CLCN3: variants seen among roughly 807,000 people sequenced by gnomAD.
The protein encoded by CLCN3 is H(+)/Cl(-) exchange transporter 3.
In CLCN3, 16 loss-of-function variants were observed where a neutral mutation model predicts 83.4. That is an observed-to-expected ratio of 0.19 (90% confidence interval 0.13 to 0.29). The LOEUF is 0.29. CLCN3 is among the 10% of genes least tolerant of loss of function. The pLI is 1.00. For missense variants in CLCN3, 544 were observed against 1,006.0 expected, an observed-to-expected ratio of 0.54 and a Z score of 6.21; for synonymous variants, 322 against 346.2, an observed-to-expected ratio of 0.93 and a Z score of 0.78.
At chr4:169,668,572 C>T (rs1283585000) in intron 2 of CLCN3, among the ~76,000 whole-genome samples, 1 of 152,022 alleles carries the variant, frequency 6.6e-6, no homozygotes. Context: ...CCTCAAAGTG[C>T]AGTAAAGTCA....
intron 2 of CLCN3, among the ~76,000 whole-genome samples, chr4:169,665,269 A>C (rs981776089): frequency 1.3e-5 from 2 of 152,204 alleles, no homozygotes; most frequent in African/African-American, 4.8e-5. Context: ...TGAATTGAGT[A>C]ATGGGCTTAG....
intron 11 of CLCN3, among the ~76,000 whole-genome samples, chr4:169,708,415 C>T (rs1199596196): frequency 6.6e-6 from 1 of 152,144 alleles, no homozygotes; most frequent in Non-Finnish European, 1.5e-5. Context: ...TCCCATCATT[C>T]TAAATTTTAC....
In CLCN3 at chr4:169,680,056, A is replaced by T. The variant is rs756569255; in HGVS notation, c.167A>T (p.His56Leu). 1.2e-6 allele frequency: 2 copies of T among 1,611,482 alleles called. No individual in the cohort carries two copies. Among genetic ancestry groups the T allele is most frequent in the South Asian group, 2.2e-5 (2 of 90,994 alleles). Residue 56 changes from histidine (H) to leucine (L), a missense_variant, in exon 3 of 13, where the codon CAT (histidine) becomes CTT (leucine). By Grantham distance (99) the His-to-Leu change is moderately conservative. Coordinates refer to ENST00000513761, the MANE Select transcript of CLCN3 (RefSeq NM_001829.4). ...TTCCTTTTCTCTTCTGTAGGAACTC[A>T]TTATACAATGACAAATGGAGGCAGC... is the stretch of plus-strand genomic sequence containing the variant. ...LLDGDTAVGT[H>L]YTMTNGGSIN...
intron 2 of CLCN3, among the ~76,000 whole-genome samples, chr4:169,639,012 C>T (rs923142007): frequency 3.9e-5 from 6 of 152,224 alleles, no homozygotes; most frequent in South Asian, 4.1e-4. Context: ...ATGACTATAG[C>T]GTAGGCAACC....
chr4:169,636,390 G>T (rs1773503245), intron 2 of CLCN3, among the ~76,000 whole-genome samples: 1 of 152,138 alleles, frequency 6.6e-6, no homozygotes, highest in African/African-American at 2.4e-5. Context: ...TCACATCTTA[G>T]TGTGGAAATT....
intron 10 of CLCN3, among the ~76,000 whole-genome samples, chr4:169,705,601 AAAACAAGTCTTTGT>A: frequency 6.6e-6 from 1 of 152,352 alleles, no homozygotes; most frequent in Middle Eastern, 3.4e-3. Flanking sequence ...CCTAGTTTTA[AAAACAAGTCTTTGT>A]AAACTGCTTA....
chr4:169,693,994 A>G (rs909749029), intron 7 of CLCN3, among the ~76,000 whole-genome samples: 1 of 152,158 alleles, frequency 6.6e-6, no homozygotes, highest in African/African-American at 2.4e-5. Context: ...TACGTATGAA[A>G]TGGATTAAAA....
chr4:169,705,227 G>T (rs1413816394), intron 10 of CLCN3, among the ~76,000 whole-genome samples: 1 of 152,180 alleles, frequency 6.6e-6, no homozygotes. Flanking sequence ...ATTATAATGT[G>T]AAGACAAAGG....
rs915268506 is a variant in CLCN3, at chr4:169,721,324, G to T, written c.*1327G>T. Reference sequence around the variant, plus strand: ...GAACAAAGTTTACAGTGGGAACAAAGGTTTAAAAAAAGGTTGTGGTTCTCT... The same window carrying T: ...GAACAAAGTTTACAGTGGGAACAAATGTTTAAAAAAAGGTTGTGGTTCTCT... On this transcript the variant is annotated 3_prime_UTR_variant, in exon 13 of 13. Coordinates refer to ENST00000513761, the MANE Select transcript of CLCN3 (RefSeq NM_001829.4). The T allele has an allele frequency of 6.6e-6, 1 of 151,942 alleles. No individual in the cohort carries two copies. Among genetic ancestry groups the T allele is most frequent in the Admixed American group, 6.6e-5 (1 of 15,250 alleles). 9.4% of individuals were successfully genotyped at this position (151,942 alleles called of 1,614,324 possible).
At chr4:169,668,745 T>TTG (rs35051412) in intron 2 of CLCN3, among the ~76,000 whole-genome samples, 2 of 150,400 alleles carry the variant, frequency 1.3e-5, no homozygotes, top group Non-Finnish European at 3.0e-5. Context: ...TTTTTTTTTT[T>TTG]GTCTTAAACT....
At chr4:169,653,966 A>G (rs899234720) in intron 2 of CLCN3, among the ~76,000 whole-genome samples, 1 of 152,218 alleles carries the variant, frequency 6.6e-6, no homozygotes. Context: ...TCGCATTTCA[A>G]CATGAGATTT....
chr4:169,621,737 CT>C (rs950677123), intron 1 of CLCN3, among the ~76,000 whole-genome samples: 2 of 152,174 alleles, frequency 1.3e-5, no homozygotes, highest in African/African-American at 4.8e-5. Flanking sequence ...ATCATTGTGG[CT>C]TGTATAATTG....
intron 10 of CLCN3, among the ~76,000 whole-genome samples, chr4:169,706,070 C>T (rs1476126578): frequency 6.6e-6 from 1 of 151,926 alleles, no homozygotes; most frequent in African/African-American, 2.4e-5. Context: ...GTGAGAATAC[C>T]GAGAAAGGGA....
In CLCN3 at chr4:169,697,737, A is replaced by T. The variant is rs748097459; in HGVS notation, c.1563+3A>T. 3.8e-6 allele frequency: 6 copies of T among 1,595,124 alleles called. No homozygotes were observed. The East Asian group carries it at 1.3e-4, about 36-fold the overall frequency. On this transcript the variant is annotated splice_donor_region_variant and intron_variant, in intron 9 of 12. Coordinates refer to ENST00000513761, the MANE Select transcript of CLCN3 (RefSeq NM_001829.4). Reference sequence around the variant, plus strand: ...CAGTATTCACTTTTGGCATCAAGGTAAGTGCTAATGTGAGGTGATATTTGG... The same window carrying T: ...CAGTATTCACTTTTGGCATCAAGGTTAGTGCTAATGTGAGGTGATATTTGG...
In CLCN3 at chr4:169,705,983, G is replaced by A. The variant is rs1283591050; in HGVS notation, c.1751-885G>A. On this transcript the variant is annotated intron_variant, in intron 10 of 12. Transcript: ENST00000513761. The stretch of plus-strand genomic sequence containing the variant: ...GAGTTTGAGACCAGCCTGGGCAACT[G>A]AGTGAGACCCCAAATCCTAAAAAAT... Among the ~76,000 whole-genome samples, 5 of 151,876 alleles carry A rather than the reference G, an allele frequency of 3.3e-5. No homozygotes were observed. In the East Asian group the frequency reaches 9.7e-4, roughly 30 times the overall value.
At chr4:169,689,997 TTAAA>T (rs1732301439) in intron 5 of CLCN3, among the ~76,000 whole-genome samples, 2 of 152,210 alleles carry the variant, frequency 1.3e-5, no homozygotes, top group Non-Finnish European at 2.9e-5. Context: ...AGGAAAAAGA[TTAAA>T]TGTGCTCAGG....
chr4:169,687,055 A>C (rs1213209945), intron 3 of CLCN3, among the ~76,000 whole-genome samples: 1 of 152,182 alleles, frequency 6.6e-6, no homozygotes, highest in African/African-American at 2.4e-5. Flanking sequence ...GTATTTATGG[A>C]CATGGTATTA....
At position 169,636,031 on chromosome 4, in the gene CLCN3, A is replaced by G; in HGVS notation, c.103A>G (p.Ile35Val). 6.2e-7 allele frequency: 1 copy of G among 1,613,326 alleles called. No individual in the cohort carries two copies. The highest frequency in any genetic ancestry group is 2.2e-5 in the East Asian group (1 of 44,824). ...GGAACTTTTAGATGGAGCAGGTGTT[A>G]TTATGGACTTTCAAACATCTGAAGA... ...DEELLDGAGV[I>V]MDFQTSEDDN... The change falls in exon 2 of 13, where the codon ATT becomes GTT. Residue 35 changes from isoleucine (I) to valine (V), a missense_variant. Transcript: ENST00000513761.
At chr4:169,690,434 C>T (rs1732323699) in intron 5 of CLCN3, 96 bp from the exon 6 acceptor site, 1 of 1,295,188 alleles carries the variant, frequency 7.7e-7, no homozygotes, top group Admixed American at 2.2e-5. Context: ...CGTGAGCCAC[C>T]ATGCCTGGCC....
Sources: gnomAD v4.1 joint callset for allele counts (sites outside exome capture counted in the v4.1 genomes callset) on GRCh38, gnomAD v4.1.1 for gene constraint, MANE v1.5 for transcripts, NCBI Gene and HGNC (gene_info 2026-07-23, HGNC 2026-07-21) for gene names.